MYH7B: variants seen among roughly 807,000 people sequenced by gnomAD.
MYH7B encodes myosin heavy chain 7B.
MYH7B carries 205 observed loss-of-function variants against 234.5 expected under a neutral mutation model. The observed-to-expected ratio is 0.87, with a 90% CI of 0.78 to 0.98. The LOEUF (loss-of-function observed/expected upper bound fraction) is 0.98, where lower values mean the gene tolerates loss of function less well. Ranked by LOEUF, MYH7B falls within the 50% of genes least tolerant of loss-of-function variation. The pLI is 0.00. For missense variants in MYH7B, 2,652 were observed against 2,633.4 expected, an observed-to-expected ratio of 1.01 and a Z score of -0.15; for synonymous variants, 1,193 against 1,105.0, an observed-to-expected ratio of 1.08 and a Z score of -1.58.
At chr20:34,987,193 C>T in exon 16 of MYH7B, 1 of 1,613,204 alleles carries the variant, frequency 6.2e-7, no homozygotes, top group African/African-American at 1.3e-5. Flanking sequence ...AGAAATGTGC[C>T]TGCTATAAGA....
At chr20:35,002,223 T>C in exon 45 of MYH7B, 9 of 1,505,956 alleles carry the variant, frequency 6.0e-6, no homozygotes, top group Middle Eastern at 1.8e-4. Context: ...GAGGAATGTC[T>C]GCTGTTGCAC....
chr20:34,977,728 G>GA, intron 4 of MYH7B, 48 bp downstream of exon 4: 1 of 1,387,890 alleles, frequency 7.2e-7, no homozygotes, highest in South Asian at 1.3e-5. Context: ...GCAGGAGGGT[G>GA]GGCGGGTGGG....
At chr20:34,980,963 C>T (rs1472025874) in intron 8 of MYH7B, 70 bp from the exon 9 acceptor site, 4 of 1,600,082 alleles carry the variant, frequency 2.5e-6, no homozygotes, top group East Asian at 4.5e-5. Context: ...CAGATGGATA[C>T]CCAGGGTGTT....
At chr20:34,980,486 C>T (rs1043143638) in intron 7 of MYH7B, 92 bp from the exon 8 acceptor site, 2 of 1,197,462 alleles carry the variant, frequency 1.7e-6, no homozygotes, top group South Asian at 2.6e-5. Context: ...TGCGGTGAGC[C>T]GAGATCATGC....
At chr20:34,963,227 G>A (rs2081714346) in intron 2 of MYH7B, among the ~76,000 whole-genome samples, 1 of 152,228 alleles carries the variant, frequency 6.6e-6, no homozygotes, top group South Asian at 2.1e-4. Flanking sequence ...AGCTGCAGTT[G>A]GTTGAATACA....
chr20:34,988,334 T>C, intron 19 of MYH7B, 72 bp downstream of exon 19: 1 of 1,504,590 alleles, frequency 6.6e-7, no homozygotes. Context: ...TGGATGACCA[T>C]GGCTTGCATG....
exon 27 of MYH7B, chr20:34,994,302 A>G: frequency 1.9e-6 from 3 of 1,611,110 alleles, no homozygotes; most frequent in Non-Finnish European, 1.7e-6. Context: ...GGGGGTTGCG[A>G]GGGGCGCTGG....
chr20:34,986,928 G>A lies in MYH7B; in HGVS notation c.947G>A (p.Cys316Tyr), dbSNP rs1410277995. Residue 316 changes from cysteine to tyrosine, a missense_variant, in exon 15 of 45, where the codon TGC becomes TAC. Transcript: ENST00000262873. ...ATGAACCCCTATGACTACCACTTCT[G>A]CAGCCAGGGCGTCATCACCGTGGAC... 8 of 1,613,974 alleles carry A rather than the reference G, an allele frequency of 5.0e-6. No homozygotes were observed. The South Asian group carries it at 7.7e-5, about 16-fold the overall frequency.
chr20:34,988,103 C>G, exon 19 of MYH7B: 2 of 1,613,198 alleles, frequency 1.2e-6, no homozygotes, highest in Non-Finnish European at 8.5e-7. Context: ...TCAACAGCTT[C>G]GAACAGCTGT....
intron 10 of MYH7B, 67 bp downstream of exon 10, chr20:34,982,622 CTTTTT>C: frequency 9.4e-7 from 1 of 1,061,754 alleles, no homozygotes; most frequent in Non-Finnish European, 1.3e-6. Context: ...TTCTTCCTCT[CTTTTT>C]TTTTTTTCCC....
chr20:34,986,406 C>T (rs1897505837), intron 14 of MYH7B, among the ~76,000 whole-genome samples: 1 of 152,236 alleles, frequency 6.6e-6, no homozygotes, highest in African/African-American at 2.4e-5. Flanking sequence ...TTATCGCTGC[C>T]TCCAGGAGCC....
At chr20:34,987,943 G>C in intron 18 of MYH7B, 29 bp downstream of exon 18, 1 of 1,568,416 alleles carries the variant, frequency 6.4e-7, no homozygotes, top group Non-Finnish European at 8.7e-7. Context: ...CTTGGCCTCT[G>C]TTCTCTCCAA....
At chr20:34,978,600 G>A (rs1201127823) in intron 5 of MYH7B, among the ~76,000 whole-genome samples, 1 of 152,154 alleles carries the variant, frequency 6.6e-6, no homozygotes, top group Non-Finnish European at 1.5e-5. Context: ...CAGGCCCAGA[G>A]CAGATGACTT....
In MYH7B at chr20:34,994,135, C is replaced by T. The variant is rs756136698; in HGVS notation, c.2445-11C>T. On this transcript the variant is annotated splice_polypyrimidine_tract_variant and intron_variant, in intron 26 of 44. Coordinates refer to ENST00000262873, the Ensembl canonical transcript of MYH7B. ...CTGAGCCACCTTCACAGCTTGGCTG[C>T]CCCTCCCTAGGGATGCGCTGTTCAC... 2.5e-6 allele frequency: 4 copies of T among 1,607,064 alleles called. No individual in the cohort carries two copies. Among genetic ancestry groups the T allele is most frequent in the Admixed American group, 1.7e-5 (1 of 59,840 alleles).
At chr20:34,996,426 G>A in exon 29 of MYH7B, 1 of 1,613,520 alleles carries the variant, frequency 6.2e-7, no homozygotes, top group Non-Finnish European at 8.5e-7. Flanking sequence ...CGTTGCAGGA[G>A]GCCCACCAAC....
intron 1 of MYH7B, among the ~76,000 whole-genome samples, chr20:34,956,611 A>C (rs1241996228): frequency 6.6e-6 from 1 of 152,206 alleles, no homozygotes; most frequent in Non-Finnish European, 1.5e-5. Flanking sequence ...TTTCAGTCTG[A>C]TAAGATAGGC....
At chr20:34,990,482 G>T (rs771354945) in intron 22 of MYH7B, 172 bp downstream of exon 22, 34 of 914,892 alleles carry the variant, frequency 3.7e-5, no homozygotes, top group Non-Finnish European at 4.8e-5. Flanking sequence ...CCGTCCCTAC[G>T]CTGCCTGGGC....
chr20:34,973,051 A>T (rs2081807166), intron 2 of MYH7B, among the ~76,000 whole-genome samples: 1 of 152,222 alleles, frequency 6.6e-6, no homozygotes, highest in Non-Finnish European at 1.5e-5. Flanking sequence ...ATAAATAAAT[A>T]AAAATGCCTT....
exon 44 of MYH7B, chr20:35,001,995 C>G: frequency 6.2e-7 from 1 of 1,614,044 alleles, no homozygotes; most frequent in Non-Finnish European, 8.5e-7. Flanking sequence ...AGGCCCAGCA[C>G]GAGCTGGATG....
Sources: allele counts gnomAD v4.1 joint callset (sites outside exome capture counted in the v4.1 genomes callset), GRCh38; gene constraint gnomAD v4.1.1; transcripts MANE v1.5; gene names NCBI Gene and HGNC (gene_info 2026-07-23, HGNC 2026-07-21).